Variants in ATP5F1B observed in about 807,000 individuals in gnomAD.
ATP5F1B encodes ATP synthase F1 subunit beta.
Under a neutral mutation model 45.9 loss-of-function variants are expected in ATP5F1B, and 17 were observed. The ratio of observed to expected loss-of-function variants is 0.37; its 90% confidence interval spans 0.25 to 0.56. The LOEUF (loss-of-function observed/expected upper bound fraction) is 0.56. Ranked by LOEUF, ATP5F1B falls within the 20% of genes least tolerant of loss-of-function variation. ATP5F1B has a pLI of 0.80. For synonymous variants in ATP5F1B, 218 were observed against 256.5 expected (o/e 0.85, Z 1.43); for missense variants, 387 against 673.2 (o/e 0.57, Z 4.70).
At position 56,645,918 on chromosome 12, in the gene ATP5F1B, C is replaced by A. The variant is rs1307552047; in HGVS notation, c.46G>T (p.Ala16Ser). 1.2e-6 allele frequency: 2 copies of A among 1,607,480 alleles called. No homozygotes were observed. The highest frequency in any genetic ancestry group is 1.7e-6 in the Non-Finnish European group (2 of 1,177,484). The change falls in exon 1 of 10, where the codon GCC (alanine) becomes TCC (serine). Residue 16 changes from alanine (A) to serine (S), a missense_variant. Ala to Ser is a moderately conservative substitution (Grantham distance 99). Coordinates refer to ENST00000262030, the MANE Select transcript of ATP5F1B (RefSeq NM_001686.4). The stretch of plus-strand genomic sequence containing the variant: ...GCTGAAGGGGTGAGTCTCCGCAAGG[C>A]CCCGGAGGCCGGAGCAGCGGCCACC... Reference protein sequence around the residue: ...GRVAAAPASGALRRLTPSASL... With the variant: ...GRVAAAPASGSLRRLTPSASL...
intron 7 of ATP5F1B, among the ~76,000 whole-genome samples, chr12:56,641,382 A>G (rs1951510829): frequency 6.6e-6 from 1 of 151,810 alleles, no homozygotes. Flanking sequence ...AAAAAAAAGA[A>G]TTAAAAACAA....
At chr12:56,638,703 C>T (rs1321288892) in intron 9 of ATP5F1B, among the ~76,000 whole-genome samples, 1 of 152,112 alleles carries the variant, frequency 6.6e-6, no homozygotes. Flanking sequence ...CGAGACAAGC[C>T]CAGCCAACAT....
At chr12:56,642,099 C>T (rs957308327) in intron 7 of ATP5F1B, among the ~76,000 whole-genome samples, 3 of 151,896 alleles carry the variant, frequency 2.0e-5, no homozygotes, top group African/African-American at 7.3e-5. Context: ...CGGATTCAAG[C>T]GATTCTCCTG....
At chr12:56,643,775 A>T (rs1951530610) in intron 4 of ATP5F1B, 62 bp downstream of exon 4, 2 of 1,594,306 alleles carry the variant, frequency 1.3e-6, no homozygotes, top group Admixed American at 3.3e-5. Flanking sequence ...TCCACTCATA[A>T]CATTGTATGA....
rs1260666609 is a variant in ATP5F1B at position 56,642,842 on chromosome 12, C to T, written c.793-11G>A. 2.5e-6 allele frequency: 4 copies of T among 1,613,804 alleles called. No individual in the cohort carries two copies. Among genetic ancestry groups the T allele is most frequent in the Non-Finnish European group, 3.4e-6 (4 of 1,179,862 alleles). ...ATATACCAGCGCTACCTGCAGTAAT[C>T]ATACATAATCGTAAAACCTGACAAA... On this transcript the variant is annotated splice_polypyrimidine_tract_variant and intron_variant, in intron 5 of 9. Transcript: ENST00000262030.
Position 56,640,022 on chromosome 12 carries a change from A to G in ATP5F1B, c.1245T>C (p.Ser415=). Residue 415 remains serine, a synonymous_variant, in exon 8 of 10, where the codon AGT becomes AGC. Coordinates refer to ENST00000262030, the MANE Select transcript of ATP5F1B (RefSeq NM_001686.4). ...CCCCACGGGCAACATCGTAATGCTC[A>G]CTGCCAACAATGTTGGGATCCATGA... ...SRIMDPNIVG[S]EHYDVARGVQ... is the part of the protein sequence containing the mutation. 2.5e-6 allele frequency: 4 copies of G among 1,614,048 alleles called. No individual in the cohort carries two copies. The highest frequency in any genetic ancestry group is 3.4e-6 in the Non-Finnish European group (4 of 1,179,992).
Position 56,639,912 on chromosome 12 carries a change from C to T in ATP5F1B, c.1287+68G>A, listed in dbSNP as rs1592643843. The T allele has an allele frequency of 2.6e-6, 4 of 1,520,578 alleles. No individual in the cohort carries two copies. The East Asian group carries it at 9.0e-5, about 34-fold the overall frequency. The allele number at this position is 1,520,578 out of a possible 1,614,324, so 94.2% of individuals were successfully genotyped here. A position where few individuals can be genotyped will look rare whatever the true frequency, so the allele number is the denominator to read the frequency against. Reference sequence around the variant, plus strand: ...ACAAATCACTAAGAAAGATCCAGTCCTCATATAGTCCCCACAGGCCCTCTT... The same window carrying T: ...ACAAATCACTAAGAAAGATCCAGTCTTCATATAGTCCCCACAGGCCCTCTT... On this transcript the variant is annotated intron_variant, in intron 8 of 9. Coordinates refer to ENST00000262030, the MANE Select transcript of ATP5F1B (RefSeq NM_001686.4).
chr12:56,643,032 G>A, intron 5 of ATP5F1B: 2 of 589,712 alleles, frequency 3.4e-6, no homozygotes, highest in Non-Finnish European at 5.7e-6. Flanking sequence ...AACTATAGTA[G>A]AAAGGAAATA....
At chr12:56,645,779 C>CCTT in intron 1 of ATP5F1B, 58 bp downstream of exon 1, 1 of 1,584,698 alleles carries the variant, frequency 6.3e-7, no homozygotes, top group Non-Finnish European at 8.6e-7. Context: ...CATCGTTCCC[C>CCTT]GGCTCAAGGT....
At chr12:56,642,943 GT>G in intron 5 of ATP5F1B, 112 bp from the exon 6 acceptor site, 2 of 1,200,726 alleles carry the variant, frequency 1.7e-6, no homozygotes, top group Non-Finnish European at 1.1e-6. Flanking sequence ...AGGTGTCAGC[GT>G]TTTTGTGTGC....
At position 56,644,715 on chromosome 12, in the gene ATP5F1B, C is replaced by G; in HGVS notation, c.485+66G>C. ...AATTCTGCTTTAGGAGAACATGTCACCTTAATGTGTAAAACTGCAAATAAC... is the reference window on the plus strand; with the variant it reads ...AATTCTGCTTTAGGAGAACATGTCAGCTTAATGTGTAAAACTGCAAATAAC... On this transcript the variant is annotated intron_variant, in intron 3 of 9. Coordinates refer to ENST00000262030, the MANE Select transcript of ATP5F1B (RefSeq NM_001686.4). The G allele has an allele frequency of 5.3e-6, 8 of 1,520,044 alleles. No individual in the cohort carries two copies. In the South Asian group the frequency reaches 7.7e-5, roughly 15 times the overall value. 94.2% of individuals were successfully genotyped at this position (1,520,044 alleles called of 1,614,324 possible).
chr12:56,645,126 T>C, intron 2 of ATP5F1B, 45 bp downstream of exon 2: 2 of 1,612,882 alleles, frequency 1.2e-6, no homozygotes, highest in Non-Finnish European at 8.5e-7. Context: ...TTGGGGATAT[T>C]TGGGCTACAC....
chr12:56,638,698 C>G (rs1219792026), intron 9 of ATP5F1B, among the ~76,000 whole-genome samples: 1 of 152,196 alleles, frequency 6.6e-6, no homozygotes, highest in Non-Finnish European at 1.5e-5. Flanking sequence ...GAGTTCGAGA[C>G]AAGCCCAGCC....
In ATP5F1B at chr12:56,640,105, CACGCGACAGT is replaced by C; in HGVS notation, c.1152_1161del (p.Leu385ProfsTer14). Reference sequence around the variant, plus strand: ...GGATAGATGCCCAGCTCAGCAATGGCACGCGACAGTACAGTGGTAGCATCCAAATGGGCAA... The same window carrying C: ...GGATAGATGCCCAGCTCAGCAATGGCACAGTGGTAGCATCCAAATGGGCAA... On this transcript the variant is annotated frameshift_variant, in exon 8 of 10. Transcript: ENST00000262030. LOFTEE classifies it high-confidence loss of function. 6.2e-7 allele frequency: 1 copy of C among 1,614,032 alleles called. No homozygotes were observed.
chr12:56,642,135 A>G (rs1951516791), intron 7 of ATP5F1B, among the ~76,000 whole-genome samples: 1 of 151,812 alleles, frequency 6.6e-6, no homozygotes, highest in Admixed American at 6.6e-5. Flanking sequence ...AGTTGGGATT[A>G]CAGGCGCCTG....
rs764878934 is a variant in ATP5F1B, at chr12:56,642,868, G to C, written c.793-37C>G. Reference sequence around the variant, plus strand: ...ATACATAATCGTAAAACCTGACAAAGGAGTAGAGAAGCCACATACTGAAGG... The same window carrying C: ...ATACATAATCGTAAAACCTGACAAACGAGTAGAGAAGCCACATACTGAAGG... On this transcript the variant is annotated intron_variant, in intron 5 of 9. Coordinates refer to ENST00000262030, the MANE Select transcript of ATP5F1B (RefSeq NM_001686.4). 1.4e-5 allele frequency: 22 copies of C among 1,609,492 alleles called. No homozygotes were observed. The East Asian group carries it at 4.7e-4, about 34-fold the overall frequency.
In ATP5F1B at chr12:56,638,227, A is replaced by G. The variant is rs976352267; in HGVS notation, c.*96T>C. 9.2e-6 allele frequency: 9 copies of G among 982,980 alleles called. No homozygotes were observed. The highest frequency in any genetic ancestry group is 7.4e-5 in the African/African-American group (4 of 53,780). 60.9% of individuals were successfully genotyped at this position (982,980 alleles called of 1,614,324 possible). A position where few individuals can be genotyped will look rare whatever the true frequency, so the allele number is the denominator to read the frequency against. Reference sequence around the variant, plus strand: ...ACCTTAAATACTGTTCAGAAAGAATATATCTTCAATCAAGGCTCTTGTGCA... The same window carrying G: ...ACCTTAAATACTGTTCAGAAAGAATGTATCTTCAATCAAGGCTCTTGTGCA... On this transcript the variant is annotated 3_prime_UTR_variant, in exon 10 of 10. Coordinates refer to ENST00000262030, the MANE Select transcript of ATP5F1B (RefSeq NM_001686.4).
chr12:56,639,446 G>A, intron 8 of ATP5F1B, 139 bp from the exon 9 acceptor site: 1 of 761,918 alleles, frequency 1.3e-6, no homozygotes, highest in East Asian at 2.7e-5. Context: ...TCAGTGTCTT[G>A]TTCTCCATAG....
rs1592224528 is a variant in ATP5F1B, at chr12:56,645,265, G to A, written c.216C>T (p.Asp72=). The change falls in exon 2 of 10, where the codon GAC becomes GAT. Residue 72 remains aspartate (D), a synonymous_variant. Coordinates refer to ENST00000262030, the MANE Select transcript of ATP5F1B (RefSeq NM_001686.4). ...GTGGTAGTCCCTCATCAAACTGGACGTCCACCACTGCGCCAATGACCGCCA... is the reference window on the plus strand; with the variant it reads ...GTGGTAGTCCCTCATCAAACTGGACATCCACCACTGCGCCAATGACCGCCA... ...RIVAVIGAVV[D]VQFDEGLPPI... is the part of the protein sequence containing the mutation. 1 of 1,614,218 alleles carries A rather than the reference G, an allele frequency of 6.2e-7. No homozygotes were observed. The highest frequency in any genetic ancestry group is 8.5e-7 in the Non-Finnish European group (1 of 1,180,040).
Sources: gnomAD v4.1 joint callset for allele counts (sites outside exome capture counted in the v4.1 genomes callset) on GRCh38, gnomAD v4.1.1 for gene constraint, MANE v1.5 for transcripts, NCBI Gene and HGNC (gene_info 2026-07-23, HGNC 2026-07-21) for gene names.